Variants in YEATS2 observed in about 807,000 individuals in gnomAD.
YEATS2 encodes the protein YEATS domain-containing protein 2.
Under a neutral mutation model 163.2 loss-of-function variants are expected in YEATS2, and 77 were observed. The ratio of observed to expected loss-of-function variants is 0.47; its 90% confidence interval spans 0.39 to 0.57. The LOEUF (loss-of-function observed/expected upper bound fraction) is 0.57, where lower values mean the gene tolerates loss of function less well. Ranked by LOEUF, YEATS2 falls within the 20% of genes least tolerant of loss-of-function variation. The pLI is 0.00. For synonymous variants in YEATS2, 631 were observed against 645.1 expected (o/e 0.98, Z 0.33); for missense variants, 1,549 against 1,729.8 (o/e 0.90, Z 1.85).
chr3:183,790,694 A>G, intron 20 of YEATS2, 103 bp from the exon 21 acceptor site: 1 of 1,271,294 alleles, frequency 7.9e-7, no homozygotes, highest in Non-Finnish European at 1.1e-6. Context: ...ATTAACACCT[A>G]ATAGATGATA....
At chr3:183,772,628 G>A in intron 16 of YEATS2, 65 bp downstream of exon 16, 2 of 1,587,206 alleles carry the variant, frequency 1.3e-6, no homozygotes, top group South Asian at 1.1e-5. Flanking sequence ...CTTTGCTAGT[G>A]ATTTTATTTG....
intron 28 of YEATS2, chr3:183,807,324 T>C (rs1383419617): frequency 2.7e-5 from 14 of 517,284 alleles, no homozygotes; most frequent in Admixed American, 1.0e-4. Context: ...GCTAATTACA[T>C]GTGAAAACAT....
At chr3:183,758,554 G>A (rs1370005022) in intron 12 of YEATS2, among the ~76,000 whole-genome samples, 2 of 152,152 alleles carry the variant, frequency 1.3e-5, no homozygotes, top group Non-Finnish European at 2.9e-5. Flanking sequence ...TGTATAAGGA[G>A]TAGAATATAC....
intron 17 of YEATS2, among the ~76,000 whole-genome samples, chr3:183,774,473 C>T (rs1722773662): frequency 6.6e-6 from 1 of 152,158 alleles, no homozygotes; most frequent in Non-Finnish European, 1.5e-5. Context: ...TGAAACTGGT[C>T]CCTGGTGCCA....
intron 19 of YEATS2, among the ~76,000 whole-genome samples, chr3:183,778,936 GTTGT>G (rs1287232662): frequency 6.6e-6 from 1 of 151,898 alleles, no homozygotes; most frequent in Non-Finnish European, 1.5e-5. Context: ...GACTGTTCAG[GTTGT>G]TTATTTCTTT....
chr3:183,740,225 A>G (rs1718799954), intron 8 of YEATS2, among the ~76,000 whole-genome samples: 1 of 151,800 alleles, frequency 6.6e-6, no homozygotes, highest in Admixed American at 6.6e-5. Flanking sequence ...AAGGGCTAAT[A>G]TCCAGAATCT....
At chr3:183,730,838 A>G (rs1013177007) in intron 7 of YEATS2, among the ~76,000 whole-genome samples, 1 of 152,164 alleles carries the variant, frequency 6.6e-6, no homozygotes, top group African/African-American at 2.4e-5. Flanking sequence ...TTTGATGCTT[A>G]GGTTATTGTA....
chr3:183,792,519 GTATTATTAT>G (rs1724755345), intron 21 of YEATS2, among the ~76,000 whole-genome samples: 2 of 152,068 alleles, frequency 1.3e-5, no homozygotes, highest in Admixed American at 1.3e-4. Context: ...GTATTGTACT[GTATTATTAT>G]TATTTTTTTG....
chr3:183,729,398 G>A (rs1717475662), intron 7 of YEATS2, among the ~76,000 whole-genome samples: 1 of 152,110 alleles, frequency 6.6e-6, no homozygotes, highest in Admixed American at 6.5e-5. Flanking sequence ...TCTGGAAACA[G>A]CTAAACTTGT....
intron 11 of YEATS2, among the ~76,000 whole-genome samples, chr3:183,756,294 G>A (rs150811696): frequency 3.9e-3 from 596 of 152,224 alleles, no homozygotes; most frequent in Non-Finnish European, 6.0e-3. Context: ...CAATTTCCTC[G>A]ATGATACTGA....
chr3:183,800,264 C>T lies in YEATS2; in HGVS notation c.3326-202C>T, dbSNP rs541624276. On this transcript the variant is annotated intron_variant, in intron 23 of 30. Coordinates refer to ENST00000305135, the MANE Select transcript of YEATS2 (RefSeq NM_018023.5). ...GCCCTGTCATGAGGCTGGAGTTGTC[C>T]TGAGACCCAGGCTAACAGTTCTTCC... Among the ~76,000 whole-genome samples, 38 of 152,304 alleles carry T rather than the reference C, an allele frequency of 2.5e-4. No individual in the cohort carries two copies. The South Asian group carries it at 3.5e-3, about 14-fold the overall frequency.
intron 2 of YEATS2, among the ~76,000 whole-genome samples, chr3:183,715,998 C>T (rs866720421): frequency 5.6e-4 from 86 of 152,218 alleles, no homozygotes; most frequent in African/African-American, 1.9e-3. Flanking sequence ...CTTGCTCTGT[C>T]CCCCAGGCTG....
chr3:183,730,052 G>GTTTTTTTTTTTTTTTTTT (rs869091775), intron 7 of YEATS2, among the ~76,000 whole-genome samples: 4 of 41,698 alleles, frequency 9.6e-5, no homozygotes, highest in African/African-American at 1.6e-4. Context: ...TTTTTTGTTT[G>GTTTTTTTTTTTTTTTTTT]TTTTTTTTTT....
intron 19 of YEATS2, among the ~76,000 whole-genome samples, chr3:183,785,277 C>A (rs868357917): frequency 6.6e-6 from 1 of 151,878 alleles, no homozygotes; most frequent in Non-Finnish European, 1.5e-5. Flanking sequence ...CACGAGGTCA[C>A]GAGAGATCGA....
At position 183,771,561 on chromosome 3, in the gene YEATS2, T is replaced by C. The variant is rs1266912054; in HGVS notation, c.1948-744T>C. Among the ~76,000 whole-genome samples the C allele has an allele frequency of 4.3e-4, 61 of 142,334 alleles. 1 individual carries two copies. In the East Asian group the frequency reaches 6.4e-3, roughly 15 times the overall value. The allele number at this position is 142,334 out of a possible 152,430, so 93.4% of individuals were successfully genotyped here. A position where few individuals can be genotyped will look rare whatever the true frequency, so the allele number is the denominator to read the frequency against. The stretch of plus-strand genomic sequence containing the variant: ...TTCTTGCCTTTTTTTTTTTTTTTTT[T>C]TTTTCTTTTCTTAGGGTCTTGCTCT... On this transcript the variant is annotated intron_variant, in intron 15 of 30. Coordinates refer to ENST00000305135, the MANE Select transcript of YEATS2 (RefSeq NM_018023.5).
rs147574062 is a variant in YEATS2, at chr3:183,805,933, G to A, written c.3785-933G>A. 1.2e-4 allele frequency among the ~76,000 whole-genome samples: 18 copies of A among 152,156 alleles called. No homozygotes were observed. In the East Asian group the frequency reaches 2.5e-3, roughly 21 times the overall value. On this transcript the variant is annotated intron_variant, in intron 27 of 30. Transcript: ENST00000305135. ...TCTGACTTCGCTGTGTAAGCTACTC[G>A]GAGAGCAGAGACCGTGTTAATGATC...
At chr3:183,713,883 G>C (rs1715530573) in intron 1 of YEATS2, among the ~76,000 whole-genome samples, 1 of 152,078 alleles carries the variant, frequency 6.6e-6, no homozygotes, top group South Asian at 2.1e-4. Context: ...TCGGCTCACT[G>C]CAACCGCTGC....
chr3:183,798,662 T>A (rs1725387093), intron 22 of YEATS2, among the ~76,000 whole-genome samples: 1 of 152,092 alleles, frequency 6.6e-6, no homozygotes, highest in Admixed American at 6.5e-5. Flanking sequence ...CCTGGATTGT[T>A]ATTTTCTTAG....
At chr3:183,711,059 A>T (rs533760965) in intron 1 of YEATS2, among the ~76,000 whole-genome samples, 2 of 151,732 alleles carry the variant, frequency 1.3e-5, no homozygotes, top group Middle Eastern at 3.4e-3. Context: ...AATTAAGTTT[A>T]TTTTTTTTTA....
Sources: gnomAD v4.1 joint callset for allele counts (sites outside exome capture counted in the v4.1 genomes callset) on GRCh38, gnomAD v4.1.1 for gene constraint, MANE v1.5 for transcripts, NCBI Gene and HGNC (gene_info 2026-07-23, HGNC 2026-07-21) for gene names.